The following GPATCH1 variants were observed in gnomAD, a reference collection of about 807,000 sequenced individuals.
GPATCH1 encodes G-patch domain containing 1.
Under a neutral mutation model 114.9 loss-of-function variants are expected in GPATCH1, and 73 were observed. The observed-to-expected ratio is 0.64, with a 90% CI of 0.53 to 0.77. The LOEUF (loss-of-function observed/expected upper bound fraction) is 0.77, where lower values mean the gene tolerates loss of function less well. Ranked by LOEUF, GPATCH1 falls within the 30% of genes least tolerant of loss-of-function variation. GPATCH1 has a pLI of 0.00. For synonymous variants in GPATCH1, 391 were observed against 428.4 expected, an observed-to-expected ratio of 0.91 and a Z score of 1.08; for missense variants, 1,058 against 1,144.3, an observed-to-expected ratio of 0.92 and a Z score of 1.09.
chr19:33,103,505 A>C (rs1049539138), intron 9 of GPATCH1, among the ~76,000 whole-genome samples: 3 of 152,160 alleles, frequency 2.0e-5, no homozygotes, highest in Non-Finnish European at 2.9e-5. Context: ...GTTCGAGACC[A>C]ACCTGGCCAA....
intron 6 of GPATCH1, 149 bp downstream of exon 6, chr19:33,095,969 G>A: frequency 1.3e-6 from 1 of 747,244 alleles, no homozygotes; most frequent in South Asian, 1.6e-5. Flanking sequence ...CATTATATCA[G>A]CATACATATT....
At chr19:33,126,426 C>T (rs1973042046) in intron 18 of GPATCH1, among the ~76,000 whole-genome samples, 162 bp from the exon 19 acceptor site, 1 of 152,152 alleles carries the variant, frequency 6.6e-6, no homozygotes, top group South Asian at 2.1e-4. Context: ...CAGCCGTCTG[C>T]CCTGTGCTGT....
chr19:33,124,154 G>A (rs985011087), intron 17 of GPATCH1, among the ~76,000 whole-genome samples: 3 of 149,892 alleles, frequency 2.0e-5, no homozygotes, highest in Non-Finnish European at 4.4e-5. Context: ...GTTCCTGGCC[G>A]AAACTTTTCT....
Position 33,112,495 on chromosome 19 carries a change from G to A in GPATCH1, c.1774G>A (p.Gly592Arg), listed in dbSNP as rs763172341. Residue 592 changes from glycine (G) to arginine (R), a missense_variant, in exon 13 of 20, where the codon GGG (glycine) becomes AGG (arginine). Transcript: ENST00000170564. ...EVPRDQENDV[G>R]DKQSAVKMKM... ...GCATGTCTTTTTCCAGAATGATGTCGGGGATAAGCAGTCGGCTGTGAAGAT... is the reference window on the plus strand; with the variant it reads ...GCATGTCTTTTTCCAGAATGATGTCAGGGATAAGCAGTCGGCTGTGAAGAT... 5.6e-6 allele frequency: 9 copies of A among 1,613,922 alleles called. No homozygotes were observed. The highest frequency in any genetic ancestry group is 2.2e-5 in the South Asian group (2 of 91,080).
At chr19:33,125,998 C>A (rs893960875) in intron 18 of GPATCH1, among the ~76,000 whole-genome samples, 2 of 152,158 alleles carry the variant, frequency 1.3e-5, no homozygotes, top group Middle Eastern at 3.4e-3. Context: ...TGTTGGGTAC[C>A]CAAAGTAGTC....
intron 17 of GPATCH1, among the ~76,000 whole-genome samples, chr19:33,120,282 A>AAAAATTATATAAAATTATATATT (rs1303547965): frequency 5.9e-5 from 8 of 135,594 alleles, no homozygotes; most frequent in African/African-American, 2.1e-4. Flanking sequence ...AATTATATAT[A>AAAAATTATATAAAATTATATATT]AAAATTATAT....
intron 1 of GPATCH1, among the ~76,000 whole-genome samples, chr19:33,082,824 G>A (rs1972492965): frequency 6.6e-6 from 1 of 152,094 alleles, no homozygotes; most frequent in Non-Finnish European, 1.5e-5. Flanking sequence ...ATAGAGACAG[G>A]GTCTTGCTGT....
Position 33,118,660 on chromosome 19 carries a change from T to C in GPATCH1, c.2414-350T>C, listed in dbSNP as rs1392620123. 3.9e-5 allele frequency among the ~76,000 whole-genome samples: 6 copies of C among 152,324 alleles called. No homozygotes were observed. In the South Asian group the frequency reaches 8.3e-4, roughly 21 times the overall value. Reference sequence around the variant, plus strand: ...TGATGGGACATACATAGTCTTACATTCCTGATGGTTTGTAAGATTTTCCTT... The same window carrying C: ...TGATGGGACATACATAGTCTTACATCCCTGATGGTTTGTAAGATTTTCCTT... On this transcript the variant is annotated intron_variant, in intron 16 of 19. Coordinates refer to ENST00000170564, the MANE Select transcript of GPATCH1 (RefSeq NM_018025.3).
chr19:33,127,436 A>C (rs1353972011), intron 19 of GPATCH1, among the ~76,000 whole-genome samples: 1 of 151,522 alleles, frequency 6.6e-6, no homozygotes, highest in East Asian at 2.0e-4. Context: ...GAATGGCGTC[A>C]ACCTGGGAGG....
chr19:33,089,561 G>C (rs1052670582), intron 2 of GPATCH1, among the ~76,000 whole-genome samples: 1 of 152,020 alleles, frequency 6.6e-6, no homozygotes, highest in Non-Finnish European at 1.5e-5. Context: ...GAGCACGGAA[G>C]ATGAACTGAT....
intron 8 of GPATCH1, among the ~76,000 whole-genome samples, chr19:33,100,832 A>T (rs1972717944): frequency 6.7e-6 from 1 of 150,308 alleles, no homozygotes; most frequent in African/African-American, 2.5e-5. Flanking sequence ...CAGTTCATTT[A>T]TACGGACTTT....
chr19:33,128,070 A>T (rs972669202), intron 19 of GPATCH1, among the ~76,000 whole-genome samples: 1 of 151,384 alleles, frequency 6.6e-6, no homozygotes. Flanking sequence ...TTTATATAGC[A>T]TATATTTATA....
intron 1 of GPATCH1, among the ~76,000 whole-genome samples, chr19:33,083,347 G>T (rs1972500820): frequency 1.3e-5 from 2 of 150,136 alleles, no homozygotes; most frequent in South Asian, 4.2e-4. Flanking sequence ...TTCTTAAAGT[G>T]TTGGAATTAT....
intron 2 of GPATCH1, among the ~76,000 whole-genome samples, chr19:33,090,305 C>G (rs1164550300): frequency 6.6e-6 from 1 of 152,152 alleles, no homozygotes; most frequent in Non-Finnish European, 1.5e-5. Flanking sequence ...GCCTGGATTC[C>G]TTCTGTTACT....
chr19:33,095,643 C>A, intron 5 of GPATCH1, 119 bp from the exon 6 acceptor site: 2 of 735,194 alleles, frequency 2.7e-6, no homozygotes, highest in Admixed American at 1.9e-5. Context: ...CTCAAGCGAT[C>A]CTCTCACCTC....
chr19:33,102,652 C>T (rs1972740828), intron 9 of GPATCH1, among the ~76,000 whole-genome samples: 1 of 152,068 alleles, frequency 6.6e-6, no homozygotes, highest in Admixed American at 6.5e-5. Flanking sequence ...GCCTCAGCCT[C>T]CCAAAGTGCT....
chr19:33,116,495 G>A (rs180903551), intron 15 of GPATCH1, among the ~76,000 whole-genome samples: 1 of 152,152 alleles, frequency 6.6e-6, no homozygotes, highest in Non-Finnish European at 1.5e-5. Flanking sequence ...GTTTTTGCTG[G>A]ATATAGAATT....
intron 8 of GPATCH1, among the ~76,000 whole-genome samples, chr19:33,101,113 C>T (rs1453122363): frequency 6.6e-6 from 1 of 152,226 alleles, no homozygotes; most frequent in Non-Finnish European, 1.5e-5. Context: ...GACGCTCTCA[C>T]AGTTGTGATT....
At chr19:33,097,412 A>G (rs531221252) in intron 7 of GPATCH1, among the ~76,000 whole-genome samples, 52 of 152,276 alleles carry the variant, frequency 3.4e-4, no homozygotes, top group Non-Finnish European at 6.3e-4. Context: ...TGATCAGTTG[A>G]TGAACATTTC....
Sources: gnomAD v4.1 joint callset for allele counts (sites outside exome capture counted in the v4.1 genomes callset) on GRCh38, gnomAD v4.1.1 for gene constraint, MANE v1.5 for transcripts, NCBI Gene and HGNC (gene_info 2026-07-23, HGNC 2026-07-21) for gene names.